Variants in LZTS3 observed in about 807,000 individuals in gnomAD.
LZTS3 encodes the protein leucine zipper tumor suppressor family member 3.
LZTS3 carries 16 observed loss-of-function variants against 50.9 expected under a neutral mutation model. The observed-to-expected ratio is 0.31, with a 90% confidence interval of 0.21 to 0.48. The LOEUF is 0.48. Ranked by LOEUF, LZTS3 falls within the 20% of genes least tolerant of loss-of-function variation. The probability of loss-of-function intolerance (pLI) is 0.99; values close to 1 mark genes in which losing one functional copy is unlikely to be tolerated. For synonymous variants in LZTS3, 408 were observed against 410.6 expected (o/e 0.99, Z 0.08); for missense variants, 816 against 931.0 (o/e 0.88, Z 1.61).
rs2066924429 is a variant in LZTS3 at position 3,173,520 on chromosome 20, G to T, written c.-308C>A. 1 of 151,396 alleles carries T rather than the reference G, an allele frequency of 6.6e-6. No homozygotes were observed. The highest frequency in any genetic ancestry group is 1.9e-4 in the East Asian group (1 of 5,140). 9.4% of individuals were successfully genotyped at this position (151,396 alleles called of 1,614,324 possible). On this transcript the variant is annotated 5_prime_UTR_variant, in exon 1 of 5. The change creates a new upstream start codon in the 5' untranslated region. Transcript: ENST00000337576. ...GCCACCGGCCCCGCTTGCTGGCGCA[G>T]CCCGAAGCACGCCCGGCGGGGCGCG... is the stretch of plus-strand genomic sequence containing the variant.
At chr20:3,169,081 C>T (rs1279077709) in intron 1 of LZTS3, among the ~76,000 whole-genome samples, 5 of 75,020 alleles carry the variant, frequency 6.7e-5, no homozygotes, top group Non-Finnish European at 1.1e-4. Flanking sequence ...CCCTTGGACC[C>T]GTCTGTCCCC....
chr20:3,165,486 C>G lies in LZTS3; in HGVS notation c.1323+11G>C. ...GGAGGCAGAGGGGAGGCCCAGATCC[C>G]CAGCCCGCACCTCCCACTTAGTTTC... On this transcript the variant is annotated intron_variant, in intron 4 of 4. Transcript: ENST00000337576. The surrounding 1 kb of genome is among the most constrained non-coding windows in gnomAD (Gnocchi z 5.0). 6.6e-7 allele frequency: 1 copy of G among 1,521,422 alleles called. No homozygotes were observed. Among genetic ancestry groups the G allele is most frequent in the Non-Finnish European group, 8.8e-7 (1 of 1,139,236 alleles). 94.2% of individuals were successfully genotyped at this position (1,521,422 alleles called of 1,614,324 possible).
At chr20:3,171,645 G>A (rs1161567426) in intron 1 of LZTS3, among the ~76,000 whole-genome samples, 5 of 148,224 alleles carry the variant, frequency 3.4e-5, no homozygotes, top group African/African-American at 7.6e-5. Context: ...CCTGGGCAAC[G>A]GAGTGAGATA....
Position 3,167,017 on chromosome 20 carries a change from C to T in LZTS3, c.147G>A (p.Glu49=), listed in dbSNP as rs2066837526. ...SVGSGVAHAQ[E]FAMKSVGTRT... is the part of the protein sequence containing the mutation. ...GGGTACCCACGCTCTTCATGGCAAA[C>T]TCCTGGGCATGGGCCACCCCACTGC... Residue 49 remains glutamate, a synonymous_variant, in exon 3 of 5, where the codon GAG becomes GAA. Coordinates refer to ENST00000337576, the MANE Select transcript of LZTS3 (RefSeq NM_001365618.1). 1 of 1,588,618 alleles carries T rather than the reference C, an allele frequency of 6.3e-7. No homozygotes were observed. Among genetic ancestry groups the T allele is most frequent in the African/African-American group, 1.3e-5 (1 of 74,856 alleles).
chr20:3,167,546 C>T lies in LZTS3; in HGVS notation c.-19+192G>A, dbSNP rs568424230. On this transcript the variant is annotated intron_variant, in intron 2 of 4. Coordinates refer to ENST00000337576, the MANE Select transcript of LZTS3 (RefSeq NM_001365618.1). Reference sequence around the variant, plus strand: ...TGACCCTCTCAACTCTTTGCTGCAACCCCAGAATTTTGGGGTTCTTTATCT... The same window carrying T: ...TGACCCTCTCAACTCTTTGCTGCAATCCCAGAATTTTGGGGTTCTTTATCT... The T allele has an allele frequency of 1.1e-5, 11 of 1,030,766 alleles. No homozygotes were observed. In the South Asian group the frequency reaches 5.0e-4, roughly 47 times the overall value. 63.9% of individuals were successfully genotyped at this position (1,030,766 alleles called of 1,614,324 possible).
Position 3,165,144 on chromosome 20 carries a change from C to G in LZTS3, c.1332G>C (p.Gln444His). The G allele has an allele frequency of 1.3e-6, 2 of 1,564,372 alleles. No individual in the cohort carries two copies. The highest frequency in any genetic ancestry group is 1.7e-6 in the Non-Finnish European group (2 of 1,155,954). Reference protein sequence around the residue: ...RIEETKWEVCQKAGEISLLKQ... With the variant: ...RIEETKWEVCHKAGEISLLKQ... ...TCAGGAGGGAGATCTCGCCAGCCTT[C>G]TGGCACACCTGGGCAGGAACAGGTG... is the stretch of plus-strand genomic sequence containing the variant. The change falls in exon 5 of 5, where the codon CAG becomes CAC. Residue 444 changes from glutamine to histidine, a missense_variant. Around this residue, in one of 3 missense-constraint regions of LZTS3, gnomAD observed 700 missense variants for 769.4 expected, o/e 0.91. Transcript: ENST00000337576. This position sits in a 1 kb window ranked among gnomAD's most constrained non-coding sequence, Gnocchi z 5.0.
Position 3,163,808 on chromosome 20 carries a change from AAC to A in LZTS3, c.*644_*645del. The A allele has an allele frequency of 6.6e-6, 1 of 152,522 alleles. No individual in the cohort carries two copies. The highest frequency in any genetic ancestry group is 1.5e-5 in the Non-Finnish European group (1 of 68,230). 9.4% of individuals were successfully genotyped at this position (152,522 alleles called of 1,614,324 possible). A position where few individuals can be genotyped will look rare whatever the true frequency, so the allele number is the denominator to read the frequency against. On this transcript the variant is annotated 3_prime_UTR_variant, in exon 5 of 5. Coordinates refer to ENST00000337576, the MANE Select transcript of LZTS3 (RefSeq NM_001365618.1). This position sits in a 1 kb window ranked among gnomAD's most constrained non-coding sequence, Gnocchi z 5.2. ...TCCAGCCCCAGTCCTCCCCTCCCGC[AAC>A]ACACACACAGGGACACACACTCACA... is the stretch of plus-strand genomic sequence containing the variant.
In LZTS3 at chr20:3,164,856, C is replaced by T. The variant is rs763477443; in HGVS notation, c.1620G>A (p.Glu540=). 3.3e-5 allele frequency: 52 copies of T among 1,556,174 alleles called. No individual in the cohort carries two copies. Among genetic ancestry groups the T allele is most frequent in the Non-Finnish European group, 4.3e-5 (50 of 1,157,128 alleles). Residue 540 remains glutamate (E), a synonymous_variant, in exon 5 of 5, where the codon GAG becomes GAA. Coordinates refer to ENST00000337576, the MANE Select transcript of LZTS3 (RefSeq NM_001365618.1). ...QDALATCESD[E]AKMRRQAGVA... ...CCCCGGCCTGACGGCGCATCTTAGC[C>T]TCGTCGCTCTCGCAGGTGGCCAGAG... is the stretch of plus-strand genomic sequence containing the variant.
Position 3,164,573 on chromosome 20 carries a change from G to T in LZTS3, c.1903C>A (p.Arg635Ser). Residue 635 changes from arginine (R) to serine (S), a missense_variant, in exon 5 of 5, where the codon CGC (arginine) becomes AGC (serine). Arg to Ser is a moderately radical substitution (Grantham distance 110, BLOSUM62 -1). Transcript: ENST00000337576. ...GCGGCCCCGCGCTCCCGCAGCCTGC[G>T]CTCCAGCTGCTGGTTGCGCTGGTAC... is the stretch of plus-strand genomic sequence containing the variant. Reference protein sequence around the residue: ...EMYQRNQQLERRLRERGAAGG... With the variant: ...EMYQRNQQLESRLRERGAAGG... The T allele has an allele frequency of 6.2e-7, 1 of 1,610,762 alleles. No individual in the cohort carries two copies. Among genetic ancestry groups the T allele is most frequent in the African/African-American group, 1.3e-5 (1 of 74,748 alleles).
chr20:3,166,885 G>C lies in LZTS3; in HGVS notation c.279C>G (p.Leu93=). ...PGRYPSEDKG[L]ANSLYLNGEL... is the part of the protein sequence containing the mutation. ...CACCATTGAGGTAGAGGGAGTTGGC[G>C]AGACCCTTGTCCTCTGAGGGGTAGC... Residue 93 remains leucine (L), a synonymous_variant, in exon 3 of 5, where the codon CTC becomes CTG. Transcript: ENST00000337576. The C allele has an allele frequency of 6.2e-7, 1 of 1,613,526 alleles. No individual in the cohort carries two copies. The highest frequency in any genetic ancestry group is 8.5e-7 in the Non-Finnish European group (1 of 1,180,026).
chr20:3,163,640 A>G lies in LZTS3; in HGVS notation c.*814T>C, dbSNP rs2066762054. ...CTTAATAGCTGTGTTAGAGCCGGACAGTGGTCCTGGGTGTGGGGTCAGCCA... is the reference window on the plus strand; with the variant it reads ...CTTAATAGCTGTGTTAGAGCCGGACGGTGGTCCTGGGTGTGGGGTCAGCCA... On this transcript the variant is annotated 3_prime_UTR_variant, in exon 5 of 5. Coordinates refer to ENST00000337576, the MANE Select transcript of LZTS3 (RefSeq NM_001365618.1). This position sits in a 1 kb window ranked among gnomAD's most constrained non-coding sequence, Gnocchi z 5.2. 2 of 152,672 alleles carry G rather than the reference A, an allele frequency of 1.3e-5. No homozygotes were observed. The highest frequency in any genetic ancestry group is 1.3e-4 in the Admixed American group (2 of 15,302). The allele number at this position is 152,672 out of a possible 1,614,324, so 9.5% of individuals were successfully genotyped here.
At chr20:3,169,131 C>A (rs905700350) in intron 1 of LZTS3, among the ~76,000 whole-genome samples, 1 of 152,294 alleles carries the variant, frequency 6.6e-6, no homozygotes. Flanking sequence ...CAGAGAGCCA[C>A]GTAGGGCACA....
rs1212753386 is a variant in LZTS3 at position 3,165,068 on chromosome 20, T to C, written c.1408A>G (p.Ile470Val). 2 of 1,589,060 alleles carry C rather than the reference T, an allele frequency of 1.3e-6. No individual in the cohort carries two copies. The highest frequency in any genetic ancestry group is 8.6e-7 in the Non-Finnish European group (1 of 1,169,188). Residue 470 changes from isoleucine (I) to valine (V), a missense_variant, in exon 5 of 5, where the codon ATC (isoleucine) becomes GTC (valine). Coordinates refer to ENST00000337576, the MANE Select transcript of LZTS3 (RefSeq NM_001365618.1). This position sits in a 1 kb window ranked among gnomAD's most constrained non-coding sequence, Gnocchi z 5.0. ...CGCAGCTGCGAGCGCAGTCCCACGA[T>C]CTCACTCAACTTCTGCGACACATCC... is the stretch of plus-strand genomic sequence containing the variant. ...QADVSQKLSE[I>V]VGLRSQLREG...
rs560793883 is a variant in LZTS3, at chr20:3,163,876, T to C, written c.*578A>G. On this transcript the variant is annotated 3_prime_UTR_variant, in exon 5 of 5. Transcript: ENST00000337576. This position sits in a 1 kb window ranked among gnomAD's most constrained non-coding sequence, Gnocchi z 5.2. ...GAGGCCTGAGTCCAAGAGATCTTGT[T>C]GGGGGAGGGGCTGGGCAGGTAGCCC... The C allele has an allele frequency of 6.6e-6, 1 of 152,566 alleles. No homozygotes were observed. Among genetic ancestry groups the C allele is most frequent in the Non-Finnish European group, 1.5e-5 (1 of 68,248 alleles). The allele number at this position is 152,566 out of a possible 1,614,324, so 9.5% of individuals were successfully genotyped here. A position where few individuals can be genotyped will look rare whatever the true frequency, so the allele number is the denominator to read the frequency against.
chr20:3,166,464 A>G (rs1043568604), intron 3 of LZTS3, 104 bp from the exon 4 acceptor site: 3 of 1,387,322 alleles, frequency 2.2e-6, no homozygotes, highest in Non-Finnish European at 2.9e-6. Flanking sequence ...TCCCACCCCT[A>G]CTGGATTTCC....
In LZTS3 at chr20:3,165,801, C is replaced by T. The variant is rs751302368; in HGVS notation, c.1019G>A (p.Arg340His). 7 of 1,595,820 alleles carry T rather than the reference C, an allele frequency of 4.4e-6. No individual in the cohort carries two copies. Among genetic ancestry groups the T allele is most frequent in the East Asian group, 2.2e-5 (1 of 44,498 alleles). ...AGCCGCCTCGCTCTGCTCCAGGCTG[C>T]GCCGCAGAGCTGCCACCTCCTGCTC... ...EKEQEVAALR[R>H]SLEQSEAAVA... Residue 340 changes from arginine to histidine, a missense_variant, in exon 4 of 5, where the codon CGC becomes CAC. Physicochemically the swap from Arg to His is conservative, Grantham distance 29 (BLOSUM62 0). This residue lies in a region of LZTS3 where 700 missense variants were observed against 769.4 expected (regional missense o/e 0.91). Transcript: ENST00000337576. The surrounding 1 kb of genome is among the most constrained non-coding windows in gnomAD (Gnocchi z 5.0).
chr20:3,171,812 C>G (rs1340884979), intron 1 of LZTS3, among the ~76,000 whole-genome samples: 1 of 152,198 alleles, frequency 6.6e-6, no homozygotes, highest in Non-Finnish European at 1.5e-5. Context: ...AGCCTCCTGG[C>G]ATCAGTGCAC....
At chr20:3,171,662 C>CAA (rs35361315) in intron 1 of LZTS3, among the ~76,000 whole-genome samples, 1,222 of 108,330 alleles carry the variant, frequency 0.011, 26 homozygotes, top group African/African-American at 0.037. Flanking sequence ...GATACCCCCT[C>CAA]AAAAAAAAAA....
At chr20:3,168,366 G>T (rs1485139604) in intron 1 of LZTS3, 2 of 148,430 alleles carry the variant, frequency 1.3e-5, no homozygotes, top group Non-Finnish European at 3.0e-5. Context: ...GAGGGGAGGG[G>T]CCGCTGCAGG....
Sources: gnomAD v4.1 joint callset for allele counts (sites outside exome capture counted in the v4.1 genomes callset) on GRCh38, gnomAD v4.1.1 for gene constraint, gnomAD v4.1.1 regional missense constraint, Gnocchi (gnomAD v3.1) non-coding constraint, MANE v1.5 for transcripts, NCBI Gene and HGNC (gene_info 2026-07-23, HGNC 2026-07-21) for gene names.